Variants in USH2A observed in about 807,000 individuals in gnomAD.
The protein encoded by USH2A is usherin, also known as Usher syndrome 2A (autosomal recessive, mild).
A neutral mutation model predicts 538.9 loss-of-function variants in USH2A; 443 were observed. That is an observed-to-expected ratio of 0.82 (90% CI 0.76 to 0.89). The LOEUF (loss-of-function observed/expected upper bound fraction) is 0.89. USH2A is among the 40% of genes least tolerant of loss of function. USH2A has a pLI of 0.00. For missense variants in USH2A, 6,633 were observed against 6,324.8 expected, an observed-to-expected ratio of 1.05 and a Z score of -1.65; for synonymous variants, 2,413 against 2,273.5, an observed-to-expected ratio of 1.06 and a Z score of -1.75.
intron 37 of USH2A, among the ~76,000 whole-genome samples, chr1:215,937,279 T>A (rs1666526870): frequency 1.3e-5 from 2 of 152,158 alleles, no homozygotes. Context: ...CCTCTATATG[T>A]GTAATACTTA....
intron 55 of USH2A, 58 bp downstream of exon 55, chr1:215,779,785 C>G: frequency 1.3e-6 from 2 of 1,598,092 alleles, no homozygotes; most frequent in Non-Finnish European, 1.7e-6. Flanking sequence ...ATGCTTTGCC[C>G]CCCTAACCAC....
At chr1:215,891,998 A>G (rs573390461) in intron 40 of USH2A, among the ~76,000 whole-genome samples, 1 of 152,332 alleles carries the variant, frequency 6.6e-6, no homozygotes, top group East Asian at 1.9e-4. Flanking sequence ...ATTTTGGCAA[A>G]TGAAATTATC....
At chr1:215,893,399 T>C (rs905323987) in intron 40 of USH2A, among the ~76,000 whole-genome samples, 2 of 152,174 alleles carry the variant, frequency 1.3e-5, no homozygotes, top group African/African-American at 4.8e-5. Context: ...CTGTGGCAAT[T>C]ATCTTTGAAT....
chr1:216,201,656 G>A (rs371969262), intron 16 of USH2A: 150 of 184,254 alleles, frequency 8.1e-4, no homozygotes, highest in African/African-American at 3.2e-3. Context: ...TCTGGGGTCC[G>A]ACTGCTCAGT....
At chr1:216,181,911 TTTA>T (rs1284752295) in intron 20 of USH2A, among the ~76,000 whole-genome samples, 2 of 152,108 alleles carry the variant, frequency 1.3e-5, no homozygotes, top group East Asian at 1.9e-4. Context: ...TGTGACACAA[TTTA>T]TTATTTTGTG....
intron 60 of USH2A, among the ~76,000 whole-genome samples, chr1:215,737,400 A>C (rs920727762): frequency 6.6e-6 from 1 of 151,990 alleles, no homozygotes; most frequent in Non-Finnish European, 1.5e-5. Flanking sequence ...CAATTTAAAT[A>C]GTCATTAAAT....
At position 215,623,141 on chromosome 1, in the gene USH2A, T is replaced by TTTC. The variant is rs1160735170; in HGVS notation, c.*2637_*2639dup. On this transcript the variant is annotated 3_prime_UTR_variant, in exon 72 of 72. Coordinates refer to ENST00000307340, the MANE Select transcript of USH2A (RefSeq NM_206933.4). ...GAAATTACAGTAGATTATAAACACA[T>TTTC]TTCTTAGAGTGTATAAAAACAACTG... 6.6e-6 allele frequency: 1 copy of TTTC among 152,116 alleles called. No homozygotes were observed. Among genetic ancestry groups the TTTC allele is most frequent in the African/African-American group, 2.4e-5 (1 of 41,438 alleles). The allele number at this position is 152,116 out of a possible 1,614,324, so 9.4% of individuals were successfully genotyped here.
intron 3 of USH2A, among the ~76,000 whole-genome samples, chr1:216,387,513 C>G (rs1339815405): frequency 2.6e-5 from 4 of 152,166 alleles, no homozygotes; most frequent in Non-Finnish European, 5.9e-5. Flanking sequence ...TAATTTTCTT[C>G]AGATGCTGAA....
intron 21 of USH2A, among the ~76,000 whole-genome samples, chr1:216,132,366 T>C (rs558035243): frequency 9.2e-5 from 14 of 152,232 alleles, no homozygotes; most frequent in African/African-American, 2.9e-4. Context: ...TTTAAATCTA[T>C]CTTAAAAATA....
intron 44 of USH2A, among the ~76,000 whole-genome samples, chr1:215,849,453 A>G (rs905549598): frequency 6.6e-6 from 1 of 152,194 alleles, no homozygotes; most frequent in African/African-American, 2.4e-5. Context: ...TTAAAAATGC[A>G]CAATATCAAA....
rs533064454 is a variant in USH2A, at chr1:216,041,747, T to C, written c.6325+4684A>G. On this transcript the variant is annotated intron_variant, in intron 32 of 71. Transcript: ENST00000307340. ...ATTAAATTTTTGCTCATCAAGAATG[T>C]GATTAGATGAATGAAAGGAAAATAT... Among the ~76,000 whole-genome samples the C allele has an allele frequency of 2.7e-4, 41 of 152,166 alleles. 2 individuals carry two copies. The South Asian group carries it at 8.5e-3, about 32-fold the overall frequency.
chr1:215,854,244 G>T (rs890810338), intron 44 of USH2A, among the ~76,000 whole-genome samples: 4 of 152,138 alleles, frequency 2.6e-5, no homozygotes, highest in Non-Finnish European at 5.9e-5. Context: ...AAAACCATCA[G>T]ATCTCATTAG....
At chr1:215,732,474 T>G (rs1443083127) in intron 60 of USH2A, among the ~76,000 whole-genome samples, 2 of 151,838 alleles carry the variant, frequency 1.3e-5, no homozygotes. Context: ...CACGGTTCCA[T>G]GGCTTTGGTA....
chr1:215,952,493 G>A (rs1666946721), intron 37 of USH2A, among the ~76,000 whole-genome samples: 1 of 152,152 alleles, frequency 6.6e-6, no homozygotes, highest in Admixed American at 6.5e-5. Flanking sequence ...TTTACAATTT[G>A]GCATGGTTTT....
intron 15 of USH2A, among the ~76,000 whole-genome samples, chr1:216,208,947 A>G (rs1558318626): frequency 6.6e-6 from 1 of 152,166 alleles, no homozygotes; most frequent in Non-Finnish European, 1.5e-5. Context: ...AGCAGCCTCT[A>G]TCTGGCATTT....
intron 60 of USH2A, among the ~76,000 whole-genome samples, chr1:215,731,321 C>T (rs920443777): frequency 6.6e-6 from 1 of 152,124 alleles, no homozygotes; most frequent in Non-Finnish European, 1.5e-5. Context: ...AGTACATGTC[C>T]CATCTGCACT....
intron 47 of USH2A, among the ~76,000 whole-genome samples, chr1:215,830,072 T>A (rs1257185304): frequency 6.6e-6 from 1 of 152,180 alleles, no homozygotes; most frequent in African/African-American, 2.4e-5. Flanking sequence ...GAGACAAAAC[T>A]TTAAGAATGA....
intron 41 of USH2A, among the ~76,000 whole-genome samples, chr1:215,887,896 T>C (rs1026685257): frequency 6.6e-6 from 1 of 152,198 alleles, no homozygotes; most frequent in African/African-American, 2.4e-5. Context: ...TTGAATGAAG[T>C]TTGTATGCCA....
chr1:215,756,991 C>A (rs1225880995), intron 58 of USH2A, among the ~76,000 whole-genome samples: 1 of 151,694 alleles, frequency 6.6e-6, no homozygotes, highest in African/African-American at 2.4e-5. Flanking sequence ...GAAATAAATT[C>A]TGTAAAGGGG....
Sources: gnomAD v4.1 joint callset for allele counts (sites outside exome capture counted in the v4.1 genomes callset) on GRCh38, gnomAD v4.1.1 for gene constraint, MANE v1.5 for transcripts, NCBI Gene and HGNC (gene_info 2026-07-23, HGNC 2026-07-21) for gene names.